Variants in GALNTL6 observed in about 807,000 individuals in gnomAD.
The protein encoded by GALNTL6 is polypeptide N-acetylgalactosaminyltransferase-like 6.
Under a neutral mutation model 73.7 loss-of-function variants are expected in GALNTL6, and 46 were observed. The observed-to-expected ratio is 0.62, with a 90% CI of 0.49 to 0.80. The LOEUF (loss-of-function observed/expected upper bound fraction) is 0.80, where lower values mean the gene tolerates loss of function less well. Among genes scored for constraint, GALNTL6 ranks in the 30% least tolerant of loss-of-function variants. The probability of loss-of-function intolerance (pLI) is 0.00; values close to 1 mark genes in which losing one functional copy is unlikely to be tolerated. For synonymous variants in GALNTL6, 259 were observed against 263.7 expected, an observed-to-expected ratio of 0.98 and a Z score of 0.17; for missense variants, 604 against 755.0, an observed-to-expected ratio of 0.80 and a Z score of 2.34.
intron 5 of GALNTL6, among the ~76,000 whole-genome samples, chr4:172,364,326 G>A (rs1470629035): frequency 6.6e-6 from 1 of 152,128 alleles, no homozygotes; most frequent in Non-Finnish European, 1.5e-5. Context: ...GAGGCTGTGG[G>A]AGGATGGCTT....
At chr4:172,789,352 G>T (rs1739863853) in intron 5 of GALNTL6, among the ~76,000 whole-genome samples, 2 of 152,278 alleles carry the variant, frequency 1.3e-5, no homozygotes, top group South Asian at 4.1e-4. Flanking sequence ...TGTGGCTCAG[G>T]ACAATTTTGA....
chr4:172,992,947 C>T (rs73870330), intron 10 of GALNTL6, among the ~76,000 whole-genome samples: 6,236 of 152,200 alleles, frequency 0.041, 285 homozygotes, highest in African/African-American at 0.11. Flanking sequence ...GTTCACCCTA[C>T]CCCTAAGAAT....
chr4:172,447,238 T>C (rs1315408609), intron 5 of GALNTL6, among the ~76,000 whole-genome samples: 1 of 152,160 alleles, frequency 6.6e-6, no homozygotes, highest in Admixed American at 6.6e-5. Context: ...TGTTCTTTCT[T>C]TCCTCCCTGC....
At chr4:171,836,856 T>C (rs1014566059) in intron 2 of GALNTL6, among the ~76,000 whole-genome samples, 5 of 152,080 alleles carry the variant, frequency 3.3e-5, no homozygotes, top group Non-Finnish European at 7.4e-5. Flanking sequence ...TTTCTCTTCA[T>C]TATAGAAGAG....
In GALNTL6 at chr4:172,725,286, G is replaced by C. The variant is rs535937160; in HGVS notation, c.554-84075G>C. On this transcript the variant is annotated intron_variant, in intron 5 of 12. Coordinates refer to ENST00000506823, the MANE Select transcript of GALNTL6 (RefSeq NM_001034845.3). ...TCCAACTGAATATTACATAGTCCTAGTACTAAGTATTTTGGCTCTCCGTGC... is the reference window on the plus strand; with the variant it reads ...TCCAACTGAATATTACATAGTCCTACTACTAAGTATTTTGGCTCTCCGTGC... 2.3e-4 allele frequency among the ~76,000 whole-genome samples: 35 copies of C among 152,212 alleles called. No individual in the cohort carries two copies. The South Asian group carries it at 3.9e-3, about 17-fold the overall frequency.
intron 3 of GALNTL6, among the ~76,000 whole-genome samples, chr4:172,291,383 A>T (rs1213637914): frequency 6.6e-6 from 1 of 152,138 alleles, no homozygotes; most frequent in Non-Finnish European, 1.5e-5. Context: ...TTGATACTTT[A>T]TAAATTACAC....
At chr4:172,674,631 A>G (rs1732175782) in intron 5 of GALNTL6, among the ~76,000 whole-genome samples, 1 of 151,932 alleles carries the variant, frequency 6.6e-6, no homozygotes, top group Non-Finnish European at 1.5e-5. Context: ...TCTTTCCATA[A>G]TCCTATGTTT....
intron 8 of GALNTL6, among the ~76,000 whole-genome samples, chr4:172,906,364 A>T (rs1746892873): frequency 6.6e-6 from 1 of 152,206 alleles, no homozygotes; most frequent in South Asian, 2.1e-4. Context: ...GAAACAGATG[A>T]TTTCTAAGAA....
chr4:172,225,195 T>C (rs1036780100), intron 2 of GALNTL6, among the ~76,000 whole-genome samples: 10 of 151,888 alleles, frequency 6.6e-5, no homozygotes, highest in Non-Finnish European at 1.3e-4. Flanking sequence ...CGCAAATGGG[T>C]CTGGGCGCTG....
At chr4:172,803,325 A>C (rs959741275) in intron 5 of GALNTL6, among the ~76,000 whole-genome samples, 2 of 152,176 alleles carry the variant, frequency 1.3e-5, no homozygotes, top group African/African-American at 4.8e-5. Context: ...GTGCCATTAG[A>C]TTCTGATAGG....
intron 9 of GALNTL6, among the ~76,000 whole-genome samples, chr4:172,936,705 C>G (rs1748638087): frequency 6.6e-6 from 1 of 152,126 alleles, no homozygotes; most frequent in Non-Finnish European, 1.5e-5. Context: ...ATACAACTTA[C>G]AGGGATGTGA....
intron 2 of GALNTL6, among the ~76,000 whole-genome samples, chr4:172,177,740 CAT>C (rs1165623076): frequency 7.3e-5 from 6 of 82,302 alleles, no homozygotes; most frequent in African/African-American, 1.2e-4. Flanking sequence ...TATATATACA[CAT>C]GTGTATATAT....
chr4:172,160,666 G>A (rs1734427956), intron 2 of GALNTL6, among the ~76,000 whole-genome samples: 1 of 152,004 alleles, frequency 6.6e-6, no homozygotes, highest in Non-Finnish European at 1.5e-5. Context: ...TAAGAGAAAT[G>A]TGGTCCCGAA....
At chr4:172,159,337 A>G (rs1023749458) in intron 2 of GALNTL6, among the ~76,000 whole-genome samples, 4 of 152,206 alleles carry the variant, frequency 2.6e-5, no homozygotes, top group African/African-American at 9.6e-5. Flanking sequence ...CCCTTTGAGG[A>G]CATGCAGATA....
rs542260974 is a variant in GALNTL6 at position 172,560,835 on chromosome 4, G to C, written c.553+212146G>C. The stretch of plus-strand genomic sequence containing the variant: ...CATATAAATAATTGAAATGAACTGA[G>C]CACTTACATGGTCCTGCATATGCTC... On this transcript the variant is annotated intron_variant, in intron 5 of 12. Transcript: ENST00000506823. Among the ~76,000 whole-genome samples the C allele has an allele frequency of 1.5e-3, 232 of 152,304 alleles. 2 individuals are homozygous for C. The highest frequency in any genetic ancestry group is 5.4e-3 in the African/African-American group (226 of 41,572).
At chr4:172,647,017 T>C (rs1740272551) in intron 5 of GALNTL6, among the ~76,000 whole-genome samples, 1 of 152,050 alleles carries the variant, frequency 6.6e-6, no homozygotes, top group African/African-American at 2.4e-5. Flanking sequence ...CTTAATAACA[T>C]AATTATATGT....
chr4:172,694,590 C>T (rs1733568338), intron 5 of GALNTL6, among the ~76,000 whole-genome samples: 1 of 152,132 alleles, frequency 6.6e-6, no homozygotes, highest in Admixed American at 6.5e-5. Context: ...CAGTGTTGAG[C>T]ATATGCAAGT....
At chr4:172,849,772 G>T (rs1306057455) in intron 7 of GALNTL6, among the ~76,000 whole-genome samples, 1 of 152,050 alleles carries the variant, frequency 6.6e-6, no homozygotes, top group Non-Finnish European at 1.5e-5. Context: ...CTATCACAGA[G>T]AGTTTGTCAA....
At chr4:172,782,869 A>G (rs1739446402) in intron 5 of GALNTL6, among the ~76,000 whole-genome samples, 2 of 152,098 alleles carry the variant, frequency 1.3e-5, no homozygotes, top group African/African-American at 4.8e-5. Flanking sequence ...CATTACTATG[A>G]TTTCAGAAAA....
Sources: gnomAD v4.1 joint callset for allele counts (sites outside exome capture counted in the v4.1 genomes callset) on GRCh38, gnomAD v4.1.1 for gene constraint, MANE v1.5 for transcripts, NCBI Gene and HGNC (gene_info 2026-07-23, HGNC 2026-07-21) for gene names.